The following OSBPL10 variants were observed in gnomAD, a reference collection of about 807,000 sequenced individuals.
The protein encoded by OSBPL10 is oxysterol-binding protein-related protein 10.
A neutral mutation model predicts 81.7 loss-of-function variants in OSBPL10; 49 were observed. The ratio of observed to expected loss-of-function variants is 0.60; its 90% CI spans 0.48 to 0.76. The LOEUF (loss-of-function observed/expected upper bound fraction) is 0.76. OSBPL10 is among the 30% of genes least tolerant of loss of function. The pLI, the probability that OSBPL10 is intolerant of heterozygous loss-of-function variation, is 0.00. For missense variants in OSBPL10, 923 were observed against 987.8 expected, an observed-to-expected ratio of 0.93 and a Z score of 0.88; for synonymous variants, 419 against 383.6, an observed-to-expected ratio of 1.09 and a Z score of -1.08.
At chr3:31,813,246 G>C (rs1340021782) in intron 4 of OSBPL10, among the ~76,000 whole-genome samples, 2 of 152,190 alleles carry the variant, frequency 1.3e-5, no homozygotes, top group Non-Finnish European at 2.9e-5. Context: ...GATGACCAAA[G>C]CATCTTTGAG....
intron 10 of OSBPL10, among the ~76,000 whole-genome samples, chr3:31,667,628 G>C (rs1343255800): frequency 6.6e-6 from 1 of 152,170 alleles, no homozygotes; most frequent in Non-Finnish European, 1.5e-5. Context: ...TCTTAGATTA[G>C]AGCAGCAGTT....
At chr3:31,969,737 C>G (rs1048947078) in intron 1 of OSBPL10, among the ~76,000 whole-genome samples, 2 of 152,174 alleles carry the variant, frequency 1.3e-5, no homozygotes, top group African/African-American at 2.4e-5. Context: ...CACCTGTAAT[C>G]CCAGCTACTC....
intron 2 of OSBPL10, among the ~76,000 whole-genome samples, chr3:32,005,334 C>T (rs1268806198): frequency 1.3e-5 from 2 of 152,064 alleles, no homozygotes; most frequent in Admixed American, 6.6e-5. Context: ...GTATCTATTC[C>T]ATAGTATTAT....
intron 3 of OSBPL10, among the ~76,000 whole-genome samples, chr3:31,836,241 T>C (rs1408565981): frequency 6.6e-6 from 1 of 152,186 alleles, no homozygotes; most frequent in African/African-American, 2.4e-5. Context: ...CTTTAATATA[T>C]CTTAAACATT....
chr3:31,865,798 T>A (rs1419245108), intron 3 of OSBPL10, among the ~76,000 whole-genome samples: 1 of 152,218 alleles, frequency 6.6e-6, no homozygotes, highest in Non-Finnish European at 1.5e-5. Context: ...TTCTGAGAAT[T>A]CAGCCAATGA....
intron 3 of OSBPL10, among the ~76,000 whole-genome samples, chr3:31,861,398 G>A (rs1002485961): frequency 6.6e-6 from 1 of 152,130 alleles, no homozygotes; most frequent in Non-Finnish European, 1.5e-5. Flanking sequence ...TAAATGCTAT[G>A]TAAACAGTTA....
intron 4 of OSBPL10, among the ~76,000 whole-genome samples, chr3:31,821,110 C>G (rs981653560): frequency 1.3e-5 from 2 of 152,084 alleles, no homozygotes; most frequent in African/African-American, 4.8e-5. Flanking sequence ...TCCCCCACCC[C>G]ACCCAGCCAT....
At chr3:31,872,663 C>T (rs1464190591) in intron 3 of OSBPL10, among the ~76,000 whole-genome samples, 1 of 149,792 alleles carries the variant, frequency 6.7e-6, no homozygotes, top group Non-Finnish European at 1.5e-5. Flanking sequence ...ACTCTGTCAC[C>T]CAGGCTGGAG....
chr3:32,031,867 C>G (rs1351783857), intron 2 of OSBPL10, among the ~76,000 whole-genome samples: 6 of 152,032 alleles, frequency 3.9e-5, no homozygotes, highest in African/African-American at 1.4e-4. Flanking sequence ...TGCATTTCCT[C>G]TTAAAAGCAA....
At chr3:31,975,255 C>T (rs376489840) in intron 1 of OSBPL10, among the ~76,000 whole-genome samples, 86 of 152,264 alleles carry the variant, frequency 5.6e-4, no homozygotes, top group African/African-American at 1.9e-3. Flanking sequence ...TAGCACACGG[C>T]CTCAAAACAC....
chr3:31,893,280 A>G (rs1695954044), intron 1 of OSBPL10, among the ~76,000 whole-genome samples: 1 of 152,224 alleles, frequency 6.6e-6, no homozygotes, highest in Admixed American at 6.5e-5. Flanking sequence ...ACATTTCACC[A>G]AAGAAGATAC....
intron 1 of OSBPL10, among the ~76,000 whole-genome samples, chr3:31,953,828 G>A (rs1026979880): frequency 2.0e-5 from 3 of 152,218 alleles, no homozygotes; most frequent in Admixed American, 6.5e-5. Context: ...AAAGCTCTAT[G>A]TGTATGTGAG....
intron 6 of OSBPL10, among the ~76,000 whole-genome samples, chr3:31,720,943 T>C (rs1696624884): frequency 6.7e-6 from 1 of 148,538 alleles, no homozygotes; most frequent in South Asian, 2.1e-4. Context: ...TTAGGTTACA[T>C]GGCAATAGGG....
rs918017347 is a variant in OSBPL10, at chr3:31,889,040, T to C, written c.282-9210A>G. On this transcript the variant is annotated intron_variant, in intron 1 of 11. Coordinates refer to ENST00000396556, the MANE Select transcript of OSBPL10 (RefSeq NM_017784.5). The stretch of plus-strand genomic sequence containing the variant: ...AGGATATACAAATGTCCAACAAATA[T>C]ATGAAAAAATGCTCAACATCACTAA... Among the ~76,000 whole-genome samples the C allele has an allele frequency of 2.6e-5, 4 of 152,088 alleles. No individual in the cohort carries two copies. In the South Asian group the frequency reaches 6.2e-4, roughly 24 times the overall value.
Position 32,058,351 on chromosome 3 carries a change from G to C in OSBPL10, n.186-11748C>G, listed in dbSNP as rs183102484. 1.6e-3 allele frequency among the ~76,000 whole-genome samples: 241 copies of C among 152,120 alleles called. 1 individual carries two copies. The highest frequency in any genetic ancestry group is 5.6e-3 in the African/African-American group (232 of 41,498). ...ATTCTGTTTTGTTTTGTTTTTTTGA[G>C]ACAGAGTTTTGCTCTGTCACCCAGG... On this transcript the variant is annotated intron_variant and non_coding_transcript_variant, in intron 1 of 3. Transcript: ENST00000479173.
At chr3:31,955,798 T>C (rs1174961647) in intron 1 of OSBPL10, among the ~76,000 whole-genome samples, 1 of 152,168 alleles carries the variant, frequency 6.6e-6, no homozygotes, top group Non-Finnish European at 1.5e-5. Flanking sequence ...CTGACTCCCT[T>C]GCAGCTAGAT....
chr3:31,772,427 C>A (rs1178098864), intron 4 of OSBPL10, among the ~76,000 whole-genome samples: 1 of 152,192 alleles, frequency 6.6e-6, no homozygotes, highest in Non-Finnish European at 1.5e-5. Context: ...GTGTTTCTCA[C>A]AAAGACTATA....
At chr3:31,749,514 G>A (rs1228548339) in intron 4 of OSBPL10, among the ~76,000 whole-genome samples, 1 of 152,158 alleles carries the variant, frequency 6.6e-6, no homozygotes, top group Non-Finnish European at 1.5e-5. Flanking sequence ...TCTTCTCCAG[G>A]TCTTTGTTTA....
At chr3:31,727,053 G>T (rs906001394) in intron 6 of OSBPL10, among the ~76,000 whole-genome samples, 1 of 151,878 alleles carries the variant, frequency 6.6e-6, no homozygotes, top group Non-Finnish European at 1.5e-5. Context: ...GGTTGGTCTT[G>T]ACCTCCTCGC....
Sources: allele counts gnomAD v4.1 joint callset (sites outside exome capture counted in the v4.1 genomes callset), GRCh38; gene constraint gnomAD v4.1.1; transcripts MANE v1.5; gene names NCBI Gene and HGNC (gene_info 2026-07-23, HGNC 2026-07-21).